The following SH3BGRL variants were observed in gnomAD, a reference collection of about 807,000 sequenced individuals.
SH3BGRL encodes SH3 domain binding glutamate rich protein like, also known as adapter SH3BGRL.
In SH3BGRL, 7 loss-of-function variants were observed where a neutral mutation model predicts 9.8. The ratio of observed to expected loss-of-function variants is 0.72; its 90% confidence interval spans 0.41 to 1.35. The LOEUF (loss-of-function observed/expected upper bound fraction) is 1.35, where lower values mean the gene tolerates loss of function less well. Ranked by LOEUF, SH3BGRL falls within the 40% of genes most tolerant of loss-of-function variation. SH3BGRL has a pLI of 0.01. For synonymous variants in SH3BGRL, 36 were observed against 29.1 expected, an observed-to-expected ratio of 1.24 and a Z score of -0.76; for missense variants, 73 against 84.4, an observed-to-expected ratio of 0.86 and a Z score of 0.53.
intron 1 of SH3BGRL, among the ~76,000 whole-genome samples, chrX:81,266,447 A>G (rs2147704247): frequency 8.9e-6 from 1 of 111,886 alleles, no homozygotes; most frequent in African/African-American, 3.2e-5. Flanking sequence ...TCCCAACACT[A>G]TTTATTCAAT....
At chrX:81,274,536 G>C (rs750882008) in intron 1 of SH3BGRL, among the ~76,000 whole-genome samples, 1 of 109,705 alleles carries the variant, frequency 9.1e-6, no homozygotes, top group East Asian at 2.9e-4. Flanking sequence ...CACTTGAAGT[G>C]AGCTGAGATC....
intron 1 of SH3BGRL, among the ~76,000 whole-genome samples, chrX:81,249,632 T>G (rs909774185): frequency 6.2e-5 from 7 of 112,266 alleles, no homozygotes; most frequent in African/African-American, 2.3e-4. Context: ...ATGTAGTATT[T>G]TTGTCTTCTC....
intron 3 of SH3BGRL, among the ~76,000 whole-genome samples, chrX:81,294,512 C>G (rs762785393): frequency 9.1e-6 from 1 of 110,438 alleles, no homozygotes; most frequent in East Asian, 2.9e-4. Flanking sequence ...GAATCTCTGC[C>G]TAGATTTCAG....
chrX:81,255,469 G>A (rs756016516), intron 1 of SH3BGRL: 15 of 111,937 alleles, frequency 1.3e-4, no homozygotes, highest in Non-Finnish European at 2.4e-4. Flanking sequence ...GTTATATAAT[G>A]TGTACAAAGA....
chrX:81,272,495 T>A (rs1310408803), intron 1 of SH3BGRL, among the ~76,000 whole-genome samples: 2 of 108,847 alleles, frequency 1.8e-5, no homozygotes, highest in East Asian at 5.7e-4. Context: ...TTTCTTTTTT[T>A]TCTTTTCTTT....
intron 1 of SH3BGRL, among the ~76,000 whole-genome samples, chrX:81,267,670 T>C (rs1273383908): frequency 9.0e-6 from 1 of 111,694 alleles, no homozygotes; most frequent in Admixed American, 9.5e-5. Flanking sequence ...AAAATTCTCT[T>C]TTTTGTGTGT....
chrX:81,283,867 G>A (rs754721671), intron 3 of SH3BGRL, among the ~76,000 whole-genome samples: 2 of 111,143 alleles, frequency 1.8e-5, no homozygotes, highest in Middle Eastern at 4.6e-3. Flanking sequence ...TTGGTAAAAA[G>A]GAAGTCAATT....
intron 1 of SH3BGRL, among the ~76,000 whole-genome samples, chrX:81,266,647 T>A (rs781539721): frequency 1.9e-4 from 21 of 111,720 alleles, no homozygotes; most frequent in African/African-American, 6.5e-4. Flanking sequence ...TGTGATGCCT[T>A]CAGATTTGTT....
chrX:81,212,651 G>A (rs2075568839), intron 1 of SH3BGRL, among the ~76,000 whole-genome samples: 1 of 111,392 alleles, frequency 9.0e-6, no homozygotes, highest in Admixed American at 9.6e-5. Context: ...GCTGTATGGG[G>A]AGCTTAATAG....
rs1256967504 is a variant in SH3BGRL at position 81,226,522 on chromosome X, C to CTATA, written c.45+24279_45+24282dup. Among the ~76,000 whole-genome samples, 227 of 99,721 alleles carry CTATA rather than the reference C, an allele frequency of 2.3e-3. 2 individuals are homozygous for CTATA. Among genetic ancestry groups the CTATA allele is most frequent in the African/African-American group, 7.4e-3 (206 of 27,906 alleles). The allele number at this position is 99,721 out of a possible 115,157, so 86.6% of individuals were successfully genotyped here. ...TATATATATATCTATATATATATAT[C>CTATA]TATATCTCTCTCTCTATATATATAT... On this transcript the variant is annotated intron_variant, in intron 1 of 3. Transcript: ENST00000373212.
chrX:81,203,414 A>G (rs1326199104), intron 1 of SH3BGRL, among the ~76,000 whole-genome samples: 1 of 112,118 alleles, frequency 8.9e-6, no homozygotes, highest in Non-Finnish European at 1.9e-5. Context: ...GGATATGTTT[A>G]TGCAATTTTG....
At chrX:81,276,958 T>C (rs2075800120) in intron 1 of SH3BGRL, 26 bp from the exon 2 acceptor site, 2 of 1,175,069 alleles carry the variant, frequency 1.7e-6, no homozygotes, top group African/African-American at 1.8e-5. Context: ...ATTTGGAAAA[T>C]ACGGTTTCTT....
intron 1 of SH3BGRL, among the ~76,000 whole-genome samples, chrX:81,220,630 C>T (rs2075597429): frequency 9.3e-6 from 1 of 107,108 alleles, no homozygotes; most frequent in African/African-American, 3.4e-5. Context: ...TTTTGATCTG[C>T]CCTTATTTAT....
At chrX:81,202,323 G>GTC (rs2075530616) in intron 1 of SH3BGRL, 78 bp downstream of exon 1, 2 of 1,049,440 alleles carry the variant, frequency 1.9e-6, no homozygotes, top group Middle Eastern at 2.8e-4. Context: ...TTAAAATGCA[G>GTC]AAGTTCCTCT....
chrX:81,266,571 G>C (rs187373815), intron 1 of SH3BGRL, among the ~76,000 whole-genome samples: 14 of 111,784 alleles, frequency 1.3e-4, no homozygotes, highest in African/African-American at 3.6e-4. Context: ...CTATATATTT[G>C]TCTTGGTACC....
In SH3BGRL at chrX:81,298,050, A is replaced by G. The variant is rs1317234803; in HGVS notation, c.*823A>G. 1 of 112,043 alleles carries G rather than the reference A, an allele frequency of 8.9e-6. No homozygotes were observed. The highest frequency in any genetic ancestry group is 1.9e-5 in the Non-Finnish European group (1 of 52,985). 9.2% of individuals were successfully genotyped at this position (112,043 alleles called of 1,213,427 possible). Reference sequence around the variant, plus strand: ...GACTTTTAAATAACTCTTATAAAACAGGTTGGCGATCATTTCCCAAGATTG... The same window carrying G: ...GACTTTTAAATAACTCTTATAAAACGGGTTGGCGATCATTTCCCAAGATTG... On this transcript the variant is annotated 3_prime_UTR_variant, in exon 4 of 4. Transcript: ENST00000373212.
chrX:81,219,396 C>G (rs541470457), intron 1 of SH3BGRL, among the ~76,000 whole-genome samples: 1 of 110,343 alleles, frequency 9.1e-6, no homozygotes, highest in African/African-American at 3.3e-5. Flanking sequence ...AATGGGATTA[C>G]TTTCTTGATT....
At chrX:81,250,957 T>G in intron 1 of SH3BGRL, among the ~76,000 whole-genome samples, 1 of 111,802 alleles carries the variant, frequency 8.9e-6, no homozygotes, top group Non-Finnish European at 1.9e-5. Context: ...GTTAAAAAAA[T>G]ACTGCTTTAA....
At chrX:81,262,430 A>G (rs997682145) in intron 1 of SH3BGRL, among the ~76,000 whole-genome samples, 1 of 111,467 alleles carries the variant, frequency 9.0e-6, no homozygotes, top group African/African-American at 3.3e-5. Flanking sequence ...AAAGCATAAC[A>G]CAAACTTGAC....
Sources: gnomAD v4.1 joint callset for allele counts (sites outside exome capture counted in the v4.1 genomes callset) on GRCh38, gnomAD v4.1.1 for gene constraint, MANE v1.5 for transcripts, NCBI Gene and HGNC (gene_info 2026-07-23, HGNC 2026-07-21) for gene names.